SFXN1: variants seen among roughly 807,000 people sequenced by gnomAD.
The protein encoded by SFXN1 is sideroflexin 1.
Under a neutral mutation model 39.5 loss-of-function variants are expected in SFXN1, and 32 were observed. The ratio of observed to expected loss-of-function variants is 0.81; its 90% CI spans 0.61 to 1.09. The LOEUF (loss-of-function observed/expected upper bound fraction) is 1.09. SFXN1 is among the 50% of genes least tolerant of loss of function. The pLI is 0.00. For missense variants in SFXN1, 402 were observed against 407.1 expected (o/e 0.99, Z 0.11); for synonymous variants, 136 against 146.5 (o/e 0.93, Z 0.52).
At chr5:175,487,658 TTAAA>T (rs1759500098) in intron 1 of SFXN1, among the ~76,000 whole-genome samples, 1 of 152,098 alleles carries the variant, frequency 6.6e-6, no homozygotes. Context: ...TCGCATGACT[TTAAA>T]TATAATCTCT....
At chr5:175,497,936 G>GAAAAAAAAAAAAAAAAAAAAAAAAAAAA (rs71581646) in intron 2 of SFXN1, among the ~76,000 whole-genome samples, 2 of 95,852 alleles carry the variant, frequency 2.1e-5, no homozygotes, top group African/African-American at 3.6e-5. Context: ...GTCTCAAAAA[G>GAAAAAAAAAAAAAAAAAAAAAAAAAAAA]AAAAAAAAAA....
At chr5:175,490,284 A>G (rs1449578864) in intron 1 of SFXN1, among the ~76,000 whole-genome samples, 1 of 152,212 alleles carries the variant, frequency 6.6e-6, no homozygotes, top group Non-Finnish European at 1.5e-5. Flanking sequence ...GTATAGCTGC[A>G]TTCTGACCTT....
At chr5:175,526,325 T>C (rs561592906) in intron 10 of SFXN1, among the ~76,000 whole-genome samples, 2 of 152,314 alleles carry the variant, frequency 1.3e-5, no homozygotes, top group African/African-American at 2.4e-5. Context: ...TTGCCACAAA[T>C]GGTTTTTCCA....
chr5:175,499,138 C>T (rs267362), intron 2 of SFXN1, among the ~76,000 whole-genome samples: 9,468 of 152,022 alleles, frequency 0.062, 1,007 homozygotes, highest in African/African-American at 0.22. Flanking sequence ...GCCTGTTATC[C>T]CAGCTACTCG....
intron 3 of SFXN1, chr5:175,509,470 A>G (rs2113331036): frequency 4.3e-6 from 1 of 235,126 alleles, no homozygotes; most frequent in African/African-American, 2.2e-5. Flanking sequence ...AAAAGAAGTC[A>G]TTTCACTTTT....
chr5:175,502,861 T>TAATA (rs369792578), intron 2 of SFXN1, among the ~76,000 whole-genome samples: 16,115 of 151,098 alleles, frequency 0.11, 902 homozygotes, highest in African/African-American at 0.15. Flanking sequence ...ATAATAATAA[T>TAATA]AATAAATAAA....
At chr5:175,515,690 G>A (rs749949038) in intron 7 of SFXN1, among the ~76,000 whole-genome samples, 1 of 152,170 alleles carries the variant, frequency 6.6e-6, no homozygotes, top group Non-Finnish European at 1.5e-5. Flanking sequence ...TAGCCCAGCG[G>A]TCCCAAACCT....
intron 8 of SFXN1, among the ~76,000 whole-genome samples, chr5:175,517,500 G>A (rs1166330314): frequency 6.6e-6 from 1 of 152,078 alleles, no homozygotes; most frequent in Admixed American, 6.5e-5. Context: ...CTACAAGGGA[G>A]CCTGGTTGTA....
chr5:175,501,304 G>A (rs1268213164), intron 2 of SFXN1, among the ~76,000 whole-genome samples: 1 of 151,958 alleles, frequency 6.6e-6, no homozygotes, highest in African/African-American at 2.4e-5. Flanking sequence ...TCCTGACCTC[G>A]TTATCCGCCC....
intron 6 of SFXN1, among the ~76,000 whole-genome samples, 167 bp from the exon 7 acceptor site, chr5:175,513,296 T>TAAAA (rs55761424): frequency 9.2e-5 from 6 of 65,270 alleles, no homozygotes; most frequent in African/African-American, 3.1e-4. Flanking sequence ...AGTGAGACTG[T>TAAAA]AAAAAAAAAA....
At chr5:175,479,605 A>C (rs1302180294) in intron 1 of SFXN1, among the ~76,000 whole-genome samples, 1 of 151,994 alleles carries the variant, frequency 6.6e-6, no homozygotes. Flanking sequence ...TCTTCTCCTC[A>C]TGTGAACAGG....
At chr5:175,483,286 A>G (rs947651882) in intron 1 of SFXN1, among the ~76,000 whole-genome samples, 6 of 152,202 alleles carry the variant, frequency 3.9e-5, no homozygotes, top group African/African-American at 1.4e-4. Context: ...TCTTTATGTG[A>G]TAAAACCTCA....
At chr5:175,508,810 G>A (rs565487804) in intron 2 of SFXN1, among the ~76,000 whole-genome samples, 10 of 151,608 alleles carry the variant, frequency 6.6e-5, no homozygotes, top group Non-Finnish European at 1.2e-4. Context: ...GCTAATTTTT[G>A]TATCTTTAGT....
At chr5:175,489,807 G>T (rs571484970) in intron 1 of SFXN1, among the ~76,000 whole-genome samples, 2 of 152,232 alleles carry the variant, frequency 1.3e-5, no homozygotes, top group East Asian at 1.9e-4. Flanking sequence ...CTGCACTCTG[G>T]GTGTGGACCT....
Position 175,528,122 on chromosome 5 carries a change from T to C in SFXN1, c.*1388T>C, listed in dbSNP as rs936043879. The C allele has an allele frequency of 4.6e-5, 7 of 151,810 alleles. No homozygotes were observed. Among genetic ancestry groups the C allele is most frequent in the Non-Finnish European group, 7.4e-5 (5 of 67,918 alleles). The allele number at this position is 151,810 out of a possible 1,614,324, so 9.4% of individuals were successfully genotyped here. A position where few individuals can be genotyped will look rare whatever the true frequency, so the allele number is the denominator to read the frequency against. On this transcript the variant is annotated 3_prime_UTR_variant, in exon 11 of 11. Coordinates refer to ENST00000321442, the MANE Select transcript of SFXN1 (RefSeq NM_022754.7). ...ATTTTTAGTAGAGACGGGGTTTCAC[T>C]GTGGTCTCGATCTCCTGACCTCGTG...
At chr5:175,509,978 G>A (rs1030656574) in intron 3 of SFXN1, 131 bp from the exon 4 acceptor site, 2 of 676,988 alleles carry the variant, frequency 3.0e-6, no homozygotes, top group African/African-American at 1.8e-5. Flanking sequence ...CAGATCCTAA[G>A]CCTGTGTGGC....
At chr5:175,515,625 T>C (rs1441769272) in intron 7 of SFXN1, among the ~76,000 whole-genome samples, 1 of 152,134 alleles carries the variant, frequency 6.6e-6, no homozygotes, top group Admixed American at 6.5e-5. Context: ...AACAGAAAGC[T>C]GAGGCTCAGA....
chr5:175,520,242 T>G (rs558281148), intron 8 of SFXN1, among the ~76,000 whole-genome samples: 2 of 152,236 alleles, frequency 1.3e-5, no homozygotes, highest in African/African-American at 2.4e-5. Flanking sequence ...TATATATTTA[T>G]GTATCTTTTA....
rs375699834 is a variant in SFXN1, at chr5:175,506,797, G to A, written c.165-2235G>A. Among the ~76,000 whole-genome samples, 4 of 152,286 alleles carry A rather than the reference G, an allele frequency of 2.6e-5. No individual in the cohort carries two copies. In the East Asian group the frequency reaches 7.7e-4, roughly 29 times the overall value. On this transcript the variant is annotated intron_variant, in intron 2 of 10. Transcript: ENST00000321442. ...TTCTCCTGCCTCAGCCTCCTGAGCA[G>A]CTGGGATTACAGTTGCCTGACACTG...
Sources: allele counts gnomAD v4.1 joint callset (sites outside exome capture counted in the v4.1 genomes callset), GRCh38; gene constraint gnomAD v4.1.1; transcripts MANE v1.5; gene names NCBI Gene and HGNC (gene_info 2026-07-23, HGNC 2026-07-21).